Variants in ANK2 observed in about 807,000 individuals in gnomAD.
ANK2 encodes ankyrin-2.
A neutral mutation model predicts 360.5 loss-of-function variants in ANK2; 83 were observed. The observed-to-expected ratio is 0.23, with a 90% confidence interval of 0.19 to 0.28. The LOEUF (loss-of-function observed/expected upper bound fraction) is 0.28, where lower values mean the gene tolerates loss of function less well. Ranked by LOEUF, ANK2 falls within the 10% of genes least tolerant of loss-of-function variation. The probability of loss-of-function intolerance (pLI) is 1.00; values close to 1 mark genes in which losing one functional copy is unlikely to be tolerated. For missense variants in ANK2, 4,201 were observed against 4,795.7 expected (o/e 0.88, Z 3.66); for synonymous variants, 1,740 against 1,759.5 (o/e 0.99, Z 0.28).
At chr4:113,239,771 T>G (rs149194241) in intron 7 of ANK2, among the ~76,000 whole-genome samples, 41 of 152,304 alleles carry the variant, frequency 2.7e-4, no homozygotes, top group Middle Eastern at 6.8e-3. Context: ...GTTGGTTAAA[T>G]TACACTTTAT....
At chr4:113,364,203 T>A (rs1001878386) in intron 40 of ANK2, among the ~76,000 whole-genome samples, 2 of 152,184 alleles carry the variant, frequency 1.3e-5, no homozygotes, top group Non-Finnish European at 2.9e-5. Context: ...ATCTTACTTA[T>A]GTTTATTAGT....
intron 14 of ANK2, among the ~76,000 whole-genome samples, chr4:113,266,030 T>C (rs1354467708): frequency 3.9e-5 from 6 of 152,186 alleles, no homozygotes; most frequent in African/African-American, 9.6e-5. Context: ...CATAGGTATA[T>C]ATGTGCCATG....
At chr4:113,139,326 G>A (rs773064042) in intron 1 of ANK2, among the ~76,000 whole-genome samples, 4 of 152,218 alleles carry the variant, frequency 2.6e-5, no homozygotes, top group Admixed American at 2.0e-4. Context: ...AGATTATCTC[G>A]ATCAGCTGGT....
rs2097152402 is a variant in ANK2 at position 113,153,021 on chromosome 4, T to C, written c.85-21395T>C. Among the ~76,000 whole-genome samples, 8 of 152,332 alleles carry C rather than the reference T, an allele frequency of 5.3e-5. No homozygotes were observed. The South Asian group carries it at 1.7e-3, about 32-fold the overall frequency. On this transcript the variant is annotated intron_variant, in intron 1 of 45. Coordinates refer to ENST00000357077, the MANE Select transcript of ANK2 (RefSeq NM_001148.6). ...AAGCCAGCTGTGTAATAGTAGAGAT[T>C]ATAAATTGAAACTGTGTTTTTGATG...
At chr4:113,348,438 A>G (rs2095127766) in intron 36 of ANK2, 130 bp downstream of exon 36, 6 of 917,704 alleles carry the variant, frequency 6.5e-6, no homozygotes, top group Admixed American at 2.0e-5. Context: ...GCACAATTTT[A>G]CTTAACCTCT....
chr4:113,185,518 A>G (rs532742670), intron 2 of ANK2, among the ~76,000 whole-genome samples: 1 of 152,332 alleles, frequency 6.6e-6, no homozygotes, highest in South Asian at 2.1e-4. Flanking sequence ...TCTTCTTTTG[A>G]GAAGTGTCTG....
At chr4:113,372,177 T>C (rs934233310) in intron 43 of ANK2, among the ~76,000 whole-genome samples, 3 of 152,220 alleles carry the variant, frequency 2.0e-5, no homozygotes, top group African/African-American at 7.2e-5. Context: ...AAGTGTTTAC[T>C]GAACTGCTTA....
intron 30 of ANK2, 68 bp from the exon 31 acceptor site, chr4:113,336,509 A>G (rs1346113699): frequency 2.9e-6 from 4 of 1,371,048 alleles, no homozygotes; most frequent in East Asian, 5.0e-5. Flanking sequence ...GAAATTAAGT[A>G]TAATGATTCA....
At chr4:112,796,485 T>C in the ANK2 span, among the ~76,000 whole-genome samples, 3 of 137,504 alleles carry the variant, frequency 2.2e-5, no homozygotes, top group African/African-American at 8.1e-5. Flanking sequence ...CACACATACA[T>C]ATCATAAAAC....
intron 2 of ANK2, among the ~76,000 whole-genome samples, chr4:113,032,308 T>G (rs773451375): frequency 3.3e-5 from 5 of 151,044 alleles, no homozygotes; most frequent in Non-Finnish European, 7.4e-5. Flanking sequence ...TGTTGTTAGA[T>G]GGCGTTGTCC....
chr4:113,382,733 C>T lies in ANK2; in HGVS notation c.*1262C>T, dbSNP rs2097191996. The T allele has an allele frequency of 6.6e-6, 1 of 151,922 alleles. No homozygotes were observed. The highest frequency in any genetic ancestry group is 6.6e-5 in the Admixed American group (1 of 15,242). The allele number at this position is 151,922 out of a possible 1,614,324, so 9.4% of individuals were successfully genotyped here. A position where few individuals can be genotyped will look rare whatever the true frequency, so the allele number is the denominator to read the frequency against. ...CACGGTCAAACCCCTCTTCTAATCA[C>T]ATTAATTGTTTCCATTCTTTTTACC... On this transcript the variant is annotated 3_prime_UTR_variant, in exon 46 of 46. Transcript: ENST00000357077.
chr4:113,007,162 A>G (rs1012798238), intron 2 of ANK2, among the ~76,000 whole-genome samples: 2 of 152,212 alleles, frequency 1.3e-5, no homozygotes, highest in Admixed American at 1.3e-4. Context: ...ATTTTAACTT[A>G]TAATAAAAAT....
the ANK2 span, among the ~76,000 whole-genome samples, chr4:112,744,035 G>A: frequency 3.3e-5 from 5 of 150,486 alleles, no homozygotes; most frequent in East Asian, 5.9e-4. Flanking sequence ...ATGGGGTTTC[G>A]CCATGTTGGC....
chr4:113,141,408 C>CT (rs2096631802), intron 1 of ANK2: 1 of 152,088 alleles, frequency 6.6e-6, no homozygotes, highest in South Asian at 2.1e-4. Context: ...CAACTATGGC[C>CT]TTGTGTTAGG....
At chr4:112,963,149 C>T (rs956282490) in intron 2 of ANK2, among the ~76,000 whole-genome samples, 5 of 152,080 alleles carry the variant, frequency 3.3e-5, no homozygotes, top group African/African-American at 4.8e-5. Flanking sequence ...TGATTTCAAG[C>T]TTTTCCCTTC....
chr4:113,237,302 T>G lies in ANK2; in HGVS notation c.669+130T>G, dbSNP rs1295805281. 4 of 1,163,942 alleles carry G rather than the reference T, an allele frequency of 3.4e-6. No individual in the cohort carries two copies. In the African/African-American group the frequency reaches 6.1e-5, roughly 18 times the overall value. The allele number at this position is 1,163,942 out of a possible 1,614,324, so 72.1% of individuals were successfully genotyped here. On this transcript the variant is annotated intron_variant, in intron 6 of 45. Coordinates refer to ENST00000357077, the MANE Select transcript of ANK2 (RefSeq NM_001148.6). ...TGGTCATAAAAAGAGATAAATGACT[T>G]TCAGAGGTATTTCAGAAAGAAGGGG...
At chr4:113,348,449 C>T (rs1315406803) in intron 36 of ANK2, 141 bp downstream of exon 36, 1 of 839,176 alleles carries the variant, frequency 1.2e-6, no homozygotes, top group Non-Finnish European at 2.0e-6. Context: ...CTTAACCTCT[C>T]TAAGCCTCTG....
At chr4:113,040,022 T>G (rs149820794) in intron 2 of ANK2, among the ~76,000 whole-genome samples, 4 of 152,022 alleles carry the variant, frequency 2.6e-5, no homozygotes, top group Admixed American at 6.6e-5. Context: ...ATAAATTAAG[T>G]TGCCCCTGAA....
intron 1 of ANK2, among the ~76,000 whole-genome samples, chr4:113,154,745 C>A (rs2097216770): frequency 6.6e-6 from 1 of 152,126 alleles, no homozygotes; most frequent in South Asian, 2.1e-4. Flanking sequence ...ATTGAAGAAT[C>A]AGTCTTTCCT....
Sources: allele counts gnomAD v4.1 joint callset (sites outside exome capture counted in the v4.1 genomes callset), GRCh38; gene constraint gnomAD v4.1.1; transcripts MANE v1.5; gene names NCBI Gene and HGNC (gene_info 2026-07-23, HGNC 2026-07-21).